The following SULF2 variants were observed in gnomAD, a reference collection of about 807,000 sequenced individuals.
SULF2 encodes sulfatase 2.
Under a neutral mutation model 107.7 loss-of-function variants are expected in SULF2, and 52 were observed. The observed-to-expected ratio is 0.48, with a 90% CI of 0.39 to 0.61. SULF2 has a LOEUF of 0.61. Ranked by LOEUF, SULF2 falls within the 20% of genes least tolerant of loss-of-function variation. The pLI is 0.00. For missense variants in SULF2, 993 were observed against 1,177.3 expected (o/e 0.84, Z 2.29); for synonymous variants, 460 against 464.3 (o/e 0.99, Z 0.12).
chr20:47,707,894 TTGAAACAAC>T (rs918124537), intron 3 of SULF2, among the ~76,000 whole-genome samples: 1 of 152,184 alleles, frequency 6.6e-6, no homozygotes, highest in African/African-American at 2.4e-5. Context: ...AAGATTCCTT[TTGAAACAAC>T]TGAAGTCCAG....
In SULF2 at chr20:47,714,024, G is replaced by A. The variant is rs575907998; in HGVS notation, c.416-11354C>T. 9.2e-5 allele frequency among the ~76,000 whole-genome samples: 14 copies of A among 152,236 alleles called. No individual in the cohort carries two copies. The South Asian group carries it at 2.7e-3, about 29-fold the overall frequency. ...TCTATCAGCAGAGATGGGCTGGAGCGCGGAGCCGAGCCAATGACAATAAAC... is the reference window on the plus strand; with the variant it reads ...TCTATCAGCAGAGATGGGCTGGAGCACGGAGCCGAGCCAATGACAATAAAC... On this transcript the variant is annotated intron_variant, in intron 3 of 20. Coordinates refer to ENST00000688720, the MANE Select transcript of SULF2 (RefSeq NM_001387048.1).
intron 17 of SULF2, among the ~76,000 whole-genome samples, chr20:47,662,594 T>C (rs1039152682): frequency 1.3e-5 from 2 of 152,190 alleles, no homozygotes; most frequent in African/African-American, 4.8e-5. Context: ...ATGCCACTGC[T>C]CCTTTTGGTC....
At chr20:47,664,269 G>A in intron 14 of SULF2, 80 bp from the exon 15 acceptor site, 1 of 1,413,252 alleles carries the variant, frequency 7.1e-7, no homozygotes. Context: ...TGATTTCTGG[G>A]ACTCCCATGT....
rs770048774 is a variant in SULF2 at position 47,665,975 on chromosome 20, G to A, written c.1806-22C>T. The A allele has an allele frequency of 1.0e-4, 163 of 1,610,690 alleles. 1 individual carries two copies. Among genetic ancestry groups the A allele is most frequent in the South Asian group, 9.2e-4 (84 of 90,998 alleles). ...GCACCTGCTTGAGAGAAGGGATCACGTGTGGCTCGGAGGTGGTGGAGGGGG... is the reference window on the plus strand; with the variant it reads ...GCACCTGCTTGAGAGAAGGGATCACATGTGGCTCGGAGGTGGTGGAGGGGG... On this transcript the variant is annotated intron_variant, in intron 12 of 20. Transcript: ENST00000688720.
intron 2 of SULF2, among the ~76,000 whole-genome samples, chr20:47,742,519 C>G (rs920095346): frequency 1.3e-5 from 2 of 152,138 alleles, no homozygotes; most frequent in African/African-American, 4.8e-5. Context: ...GGGATTTAAA[C>G]TTGGGGGCCC....
At chr20:47,716,375 G>A (rs1048190005) in intron 3 of SULF2, among the ~76,000 whole-genome samples, 4 of 152,076 alleles carry the variant, frequency 2.6e-5, no homozygotes, top group Non-Finnish European at 5.9e-5. Flanking sequence ...TGTGGTGGCG[G>A]GCGCCTGTAA....
intron 18 of SULF2, 76 bp downstream of exon 18, chr20:47,661,697 G>A (rs2087074140): frequency 3.7e-6 from 5 of 1,360,460 alleles, no homozygotes; most frequent in Non-Finnish European, 4.8e-6. Flanking sequence ...TCATTCTTGG[G>A]GTAGACACCA....
intron 2 of SULF2, among the ~76,000 whole-genome samples, chr20:47,740,169 T>A (rs2089844076): frequency 6.6e-6 from 1 of 152,184 alleles, no homozygotes; most frequent in Non-Finnish European, 1.5e-5. Flanking sequence ...AAGACATTCA[T>A]CACTTAATTC....
intron 2 of SULF2, among the ~76,000 whole-genome samples, chr20:47,741,818 C>T (rs527550597): frequency 1.0e-3 from 153 of 152,340 alleles, no homozygotes; most frequent in Middle Eastern, 6.8e-3. Flanking sequence ...TGGAAGGGAA[C>T]GCAGGGCAGG....
chr20:47,689,091 T>C lies in SULF2; in HGVS notation c.737+1035A>G, dbSNP rs1602650949. ...GGGAAGCAGAAGTGGGGGGCTGGAC[T>C]TGAATCCTGGCTCTGCCACTTAGAG... On this transcript the variant is annotated intron_variant, in intron 5 of 20. Transcript: ENST00000688720. Among the ~76,000 whole-genome samples the C allele has an allele frequency of 2.6e-5, 4 of 152,262 alleles. No individual in the cohort carries two copies. The East Asian group carries it at 7.7e-4, about 29-fold the overall frequency.
intron 1 of SULF2, among the ~76,000 whole-genome samples, chr20:47,757,832 AG>A (rs2090329849): frequency 2.6e-5 from 4 of 152,132 alleles, no homozygotes; most frequent in African/African-American, 7.2e-5. Flanking sequence ...GCTGGTCTCA[AG>A]GGGTGAATAT....
intron 1 of SULF2, among the ~76,000 whole-genome samples, chr20:47,763,025 G>A (rs2090449338): frequency 6.6e-6 from 1 of 152,176 alleles, no homozygotes; most frequent in African/African-American, 2.4e-5. Flanking sequence ...TGACACAAGG[G>A]ATTCTGCCTT....
intron 2 of SULF2, among the ~76,000 whole-genome samples, chr20:47,746,902 T>G (rs936009523): frequency 1.3e-5 from 2 of 150,534 alleles, no homozygotes; most frequent in Non-Finnish European, 2.9e-5. Flanking sequence ...AGTTAACGGG[T>G]GCAGCACACC....
chr20:47,692,879 A>G (rs950452675), intron 4 of SULF2, among the ~76,000 whole-genome samples: 1 of 152,260 alleles, frequency 6.6e-6, no homozygotes, highest in African/African-American at 2.4e-5. Flanking sequence ...AGTCAAACTC[A>G]GAAACATTCT....
chr20:47,750,497 A>AAT, intron 2 of SULF2, among the ~76,000 whole-genome samples: 1 of 152,340 alleles, frequency 6.6e-6, no homozygotes, highest in Non-Finnish European at 1.5e-5. Flanking sequence ...GGACCATTGC[A>AAT]ATAGACTCCT....
intron 2 of SULF2, among the ~76,000 whole-genome samples, chr20:47,740,665 T>C (rs2089856631): frequency 6.6e-6 from 1 of 150,842 alleles, no homozygotes; most frequent in African/African-American, 2.5e-5. Context: ...CAACAAACAA[T>C]TGCAGCCGAT....
chr20:47,673,633 C>T (rs2087548624), intron 10 of SULF2, among the ~76,000 whole-genome samples: 1 of 152,222 alleles, frequency 6.6e-6, no homozygotes. Flanking sequence ...AGCGCCCTGC[C>T]ACCCTCCCAT....
chr20:47,699,130 CTGTG>C (rs142227880), intron 4 of SULF2, among the ~76,000 whole-genome samples: 2,054 of 152,102 alleles, frequency 0.014, 50 homozygotes, highest in African/African-American at 0.045. Flanking sequence ...TGTGATGTGA[CTGTG>C]TGTGTGTGCA....
intron 1 of SULF2, among the ~76,000 whole-genome samples, chr20:47,759,928 G>C (rs1044431430): frequency 9.2e-5 from 14 of 152,360 alleles, no homozygotes; most frequent in African/African-American, 3.1e-4. Flanking sequence ...GCTCCCTGAG[G>C]ACAGAGACAG....
Sources: allele counts gnomAD v4.1 joint callset (sites outside exome capture counted in the v4.1 genomes callset), GRCh38; gene constraint gnomAD v4.1.1; transcripts MANE v1.5; gene names NCBI Gene and HGNC (gene_info 2026-07-23, HGNC 2026-07-21).